Variants in ACOXL observed in about 807,000 individuals in gnomAD.
ACOXL encodes the protein acyl-coenzyme A oxidase-like protein.
ACOXL carries 70 observed loss-of-function variants against 71.9 expected under a neutral mutation model. That is an observed-to-expected ratio of 0.97 (90% CI 0.80 to 1.19). ACOXL has a LOEUF of 1.19. Among genes scored for constraint, ACOXL ranks in the 50% most tolerant of loss-of-function variants. ACOXL has a pLI of 0.00. For synonymous variants in ACOXL, 253 were observed against 281.6 expected (o/e 0.90, Z 1.02); for missense variants, 703 against 736.3 (o/e 0.95, Z 0.52).
chr2:111,010,986 AAAGT>A (rs2064124401), intron 14 of ACOXL, among the ~76,000 whole-genome samples: 1 of 152,220 alleles, frequency 6.6e-6, no homozygotes, highest in African/African-American at 2.4e-5. Flanking sequence ...ATGCAGATCT[AAAGT>A]AAGGAAGAAC....
intron 9 of ACOXL, among the ~76,000 whole-genome samples, chr2:110,837,864 G>C (rs1690641768): frequency 6.6e-6 from 1 of 152,214 alleles, no homozygotes; most frequent in Non-Finnish European, 1.5e-5. Flanking sequence ...TCAGTAGGGG[G>C]TGTTCCCCAG....
intron 9 of ACOXL, among the ~76,000 whole-genome samples, chr2:110,837,539 G>C (rs915749734): frequency 4.6e-5 from 7 of 152,006 alleles, no homozygotes; most frequent in South Asian, 4.1e-4. Flanking sequence ...GCTACAGCTG[G>C]TGTACTTCTG....
chr2:110,792,218 A>T (rs1684734201), intron 3 of ACOXL, among the ~76,000 whole-genome samples: 1 of 152,184 alleles, frequency 6.6e-6, no homozygotes, highest in Non-Finnish European at 1.5e-5. Context: ...TGGGGTCAAC[A>T]TCACCCACAA....
At chr2:110,845,236 G>A (rs1215558982) in intron 10 of ACOXL, among the ~76,000 whole-genome samples, 2 of 152,182 alleles carry the variant, frequency 1.3e-5, no homozygotes, top group Admixed American at 6.5e-5. Context: ...GCCATGGGCA[G>A]GGAGGAGTGC....
chr2:110,934,113 G>A (rs1349433034), intron 12 of ACOXL, among the ~76,000 whole-genome samples: 1 of 152,224 alleles, frequency 6.6e-6, no homozygotes, highest in African/African-American at 2.4e-5. Flanking sequence ...AGCACAAGGT[G>A]TTAGAAATCC....
At chr2:110,780,576 A>G (rs573003634) in intron 2 of ACOXL, among the ~76,000 whole-genome samples, 1 of 152,322 alleles carries the variant, frequency 6.6e-6, no homozygotes, top group African/African-American at 2.4e-5. Flanking sequence ...ACAAATTATA[A>G]ACTATTCATA....
intron 14 of ACOXL, among the ~76,000 whole-genome samples, chr2:111,007,174 G>A (rs1237402785): frequency 6.6e-6 from 1 of 152,158 alleles, no homozygotes; most frequent in Non-Finnish European, 1.5e-5. Context: ...GGCAACCTAG[G>A]ATCAAGAAAG....
At chr2:111,116,252 T>A (rs375859386) in intron 17 of ACOXL, among the ~76,000 whole-genome samples, 3 of 152,366 alleles carry the variant, frequency 2.0e-5, no homozygotes, top group African/African-American at 7.2e-5. Flanking sequence ...TGAAAGTTCA[T>A]TTTAGTGCAT....
At chr2:111,001,825 A>G (rs1255946790) in intron 14 of ACOXL, among the ~76,000 whole-genome samples, 2 of 152,204 alleles carry the variant, frequency 1.3e-5, no homozygotes, top group African/African-American at 4.8e-5. Context: ...GTGAGCTGAT[A>G]CCATAATGAG....
At chr2:110,874,813 G>T (rs892231957) in intron 10 of ACOXL, among the ~76,000 whole-genome samples, 3 of 152,128 alleles carry the variant, frequency 2.0e-5, no homozygotes, top group African/African-American at 7.2e-5. Flanking sequence ...GAGGATTCTT[G>T]GGCTCCATCC....
chr2:110,866,735 G>A (rs1694632242), intron 10 of ACOXL, among the ~76,000 whole-genome samples: 1 of 152,100 alleles, frequency 6.6e-6, no homozygotes, highest in African/African-American at 2.4e-5. Context: ...GTATTCACTT[G>A]CTCACCCGTT....
At chr2:110,997,144 C>G (rs572627213) in intron 14 of ACOXL, among the ~76,000 whole-genome samples, 3 of 152,228 alleles carry the variant, frequency 2.0e-5, no homozygotes, top group Admixed American at 6.5e-5. Context: ...GGAGAAAATG[C>G]AATCTGTAAA....
chr2:111,020,692 G>A (rs1166975819), intron 14 of ACOXL, among the ~76,000 whole-genome samples: 1 of 152,210 alleles, frequency 6.6e-6, no homozygotes, highest in South Asian at 2.1e-4. Context: ...GAACAAGACA[G>A]TCTGCTAGGA....
chr2:110,996,015 A>G lies in ACOXL; in HGVS notation c.1281+11A>G. 6.3e-7 allele frequency: 1 copy of G among 1,575,292 alleles called. No homozygotes were observed. The highest frequency in any genetic ancestry group is 1.1e-5 in the South Asian group (1 of 90,698). ...AGAATTTATTATAAGGTAAAGATAC[A>G]CTGTGTTATATTTTTCCTTTTGACA... On this transcript the variant is annotated intron_variant, in intron 14 of 17. Transcript: ENST00000439055.
chr2:111,049,369 C>A, intron 16 of ACOXL, 81 bp downstream of exon 16: 2 of 1,115,830 alleles, frequency 1.8e-6, no homozygotes, highest in Non-Finnish European at 2.7e-6. Flanking sequence ...TTTTTACAAG[C>A]GGGAGTAAAT....
chr2:111,046,555 G>T (rs952134698), intron 15 of ACOXL, among the ~76,000 whole-genome samples: 7 of 152,162 alleles, frequency 4.6e-5, no homozygotes, highest in South Asian at 4.1e-4. Flanking sequence ...TCACATGGTG[G>T]CAGGAAGGAA....
At chr2:110,976,256 C>A (rs2149505736) in intron 12 of ACOXL, among the ~76,000 whole-genome samples, 1 of 152,314 alleles carries the variant, frequency 6.6e-6, no homozygotes, top group South Asian at 2.1e-4. Context: ...CTGTAATGTA[C>A]CCATACATCC....
chr2:110,895,869 A>G (rs1331960716), intron 10 of ACOXL, among the ~76,000 whole-genome samples: 1 of 152,178 alleles, frequency 6.6e-6, no homozygotes, highest in Non-Finnish European at 1.5e-5. Context: ...AAGAATCCTA[A>G]AAGAATTGCT....
Position 110,801,564 on chromosome 2 carries a change from G to T in ACOXL, c.548-88G>T, listed in dbSNP as rs148905300. On this transcript the variant is annotated intron_variant, in intron 7 of 17. Coordinates refer to ENST00000439055, the MANE Select transcript of ACOXL (RefSeq NM_001142807.4). ...AACAATTCTGGAAGTAAAATAAGGG[G>T]CTTTGTATTTTAGTGGCGACAGGCC... 237 of 1,147,266 alleles carry T rather than the reference G, an allele frequency of 2.1e-4. 1 individual carries two copies. In the East Asian group the frequency reaches 5.2e-3, roughly 25 times the overall value. The allele number at this position is 1,147,266 out of a possible 1,614,324, so 71.1% of individuals were successfully genotyped here. A position where few individuals can be genotyped will look rare whatever the true frequency, so the allele number is the denominator to read the frequency against.
Sources: allele counts gnomAD v4.1 joint callset (sites outside exome capture counted in the v4.1 genomes callset), GRCh38; gene constraint gnomAD v4.1.1; transcripts MANE v1.5; gene names NCBI Gene and HGNC (gene_info 2026-07-23, HGNC 2026-07-21).